Variants in SNX24 observed in about 807,000 individuals in gnomAD.
SNX24 encodes the protein sorting nexin-24.
Under a neutral mutation model 28.7 loss-of-function variants are expected in SNX24, and 22 were observed. The observed-to-expected ratio is 0.77, with a 90% confidence interval of 0.55 to 1.10. SNX24 has a LOEUF of 1.10. Among genes scored for constraint, SNX24 ranks in the 50% least tolerant of loss-of-function variants. SNX24 has a pLI of 0.00. For missense variants in SNX24, 221 were observed against 201.1 expected (o/e 1.10, Z -0.60); for synonymous variants, 69 against 71.5 (o/e 0.96, Z 0.18).
At chr5:122,914,210 A>G (rs1758058414) in intron 1 of SNX24, among the ~76,000 whole-genome samples, 3 of 152,194 alleles carry the variant, frequency 2.0e-5, no homozygotes. Context: ...ATTGATTTGC[A>G]TATATTGAAC....
At chr5:122,895,545 G>A (rs895791899) in intron 1 of SNX24, among the ~76,000 whole-genome samples, 2 of 152,166 alleles carry the variant, frequency 1.3e-5, no homozygotes, top group African/African-American at 4.8e-5. Context: ...TTCTTTTCTG[G>A]TGGAAGGATG....
intron 1 of SNX24, among the ~76,000 whole-genome samples, chr5:122,898,538 G>T (rs555606588): frequency 2.0e-5 from 3 of 152,184 alleles, no homozygotes; most frequent in Non-Finnish European, 2.9e-5. Flanking sequence ...CTGAGTTTGT[G>T]TATAGGCAGA....
intron 1 of SNX24, chr5:122,891,128 AT>A: frequency 2.0e-6 from 3 of 1,485,682 alleles, no homozygotes; most frequent in Admixed American, 2.4e-5. Flanking sequence ...CATATCAGGT[AT>A]TTTTGACTGT....
intron 1 of SNX24, among the ~76,000 whole-genome samples, chr5:122,849,156 C>T (rs1754784633): frequency 6.6e-6 from 1 of 152,188 alleles, no homozygotes. Flanking sequence ...ACAGTTTTTA[C>T]AGATATTGCA....
At chr5:122,997,883 T>G (rs1290760024) in intron 3 of SNX24, among the ~76,000 whole-genome samples, 2 of 152,156 alleles carry the variant, frequency 1.3e-5, no homozygotes, top group African/African-American at 4.8e-5. Context: ...TGTTACAAAT[T>G]AGGCTTTATT....
At chr5:123,020,683 AAAG>A (rs1762748853) in intron 5 of SNX24, among the ~76,000 whole-genome samples, 1 of 152,240 alleles carries the variant, frequency 6.6e-6, no homozygotes, top group Admixed American at 6.5e-5. Flanking sequence ...GCTTGAGAAA[AAAG>A]AAAATGTATT....
chr5:122,955,581 T>C (rs1203080654), intron 3 of SNX24, among the ~76,000 whole-genome samples: 1 of 152,224 alleles, frequency 6.6e-6, no homozygotes, highest in Non-Finnish European at 1.5e-5. Flanking sequence ...ACCTTGTTTT[T>C]CCCAGGTTAA....
At position 122,888,341 on chromosome 5, in the gene SNX24, G is replaced by A. The variant is rs886140946; in HGVS notation, c.60+42648G>A. 4.6e-5 allele frequency among the ~76,000 whole-genome samples: 7 copies of A among 152,172 alleles called. No individual in the cohort carries two copies. In the South Asian group the frequency reaches 1.5e-3, roughly 32 times the overall value. ...GGGAGAGAGTATAGCACAGTTAAGA[G>A]TGAAGGCTCTGAAACCTGACAGCCT... On this transcript the variant is annotated intron_variant, in intron 1 of 6. Coordinates refer to ENST00000261369, the MANE Select transcript of SNX24 (RefSeq NM_014035.4).
downstream of SNX24, among the ~76,000 whole-genome samples, chr5:123,010,946 A>G (rs1019232416): frequency 4.6e-5 from 7 of 151,822 alleles, no homozygotes; most frequent in Admixed American, 3.3e-4. Flanking sequence ...TGGATCTTCT[A>G]TAATTTGTGT....
At chr5:122,987,095 G>A (rs436546) in intron 3 of SNX24, among the ~76,000 whole-genome samples, 33,852 of 152,028 alleles carry the variant, frequency 0.22, 4,818 homozygotes, top group Non-Finnish European at 0.33. Flanking sequence ...TAAAGATGAG[G>A]AGGATCAAGC....
At chr5:122,883,101 T>G (rs1029187043) in intron 1 of SNX24, among the ~76,000 whole-genome samples, 5 of 152,166 alleles carry the variant, frequency 3.3e-5, no homozygotes, top group Non-Finnish European at 7.3e-5. Flanking sequence ...TCAGAATCAT[T>G]TAACTAGCTA....
intron 1 of SNX24, among the ~76,000 whole-genome samples, chr5:122,900,664 G>T (rs983875157): frequency 1.3e-5 from 2 of 152,084 alleles, no homozygotes; most frequent in South Asian, 4.2e-4. Context: ...AGCTGCTTGG[G>T]AGGCTGAGGC....
intron 1 of SNX24, among the ~76,000 whole-genome samples, chr5:122,914,583 T>C (rs1758074371): frequency 6.6e-6 from 1 of 151,042 alleles, no homozygotes; most frequent in African/African-American, 2.4e-5. Context: ...ATCCTGTTAT[T>C]GGTCTATTCA....
intron 1 of SNX24, among the ~76,000 whole-genome samples, chr5:122,929,459 C>T (rs1758852966): frequency 6.6e-6 from 1 of 151,614 alleles, no homozygotes; most frequent in African/African-American, 2.4e-5. Context: ...TTAGAGACAA[C>T]GTTGCCTTAT....
At chr5:122,858,342 G>A (rs1379820138) in intron 1 of SNX24, among the ~76,000 whole-genome samples, 1 of 152,180 alleles carries the variant, frequency 6.6e-6, no homozygotes, top group Admixed American at 6.5e-5. Flanking sequence ...CCGCCGATAG[G>A]CTTGCTCAAT....
chr5:123,014,291 C>T (rs1284287861), intron 5 of SNX24, among the ~76,000 whole-genome samples: 1 of 149,042 alleles, frequency 6.7e-6, no homozygotes. Flanking sequence ...CTCAGCGTAC[C>T]AAGTAGCTGG....
At chr5:122,970,194 G>T (rs1463902716) in intron 3 of SNX24, among the ~76,000 whole-genome samples, 1 of 148,958 alleles carries the variant, frequency 6.7e-6, no homozygotes, top group Non-Finnish European at 1.5e-5. Context: ...TCCTTTTCAT[G>T]ATATCTAGTT....
At chr5:123,022,023 C>G (rs1474426202) in intron 5 of SNX24, among the ~76,000 whole-genome samples, 2 of 152,142 alleles carry the variant, frequency 1.3e-5, no homozygotes, top group African/African-American at 4.8e-5. Context: ...CTCCCGGCCT[C>G]TCTGGCAGAC....
At chr5:122,988,663 C>T (rs1761704195) in intron 3 of SNX24, among the ~76,000 whole-genome samples, 1 of 152,120 alleles carries the variant, frequency 6.6e-6, no homozygotes, top group African/African-American at 2.4e-5. Context: ...ACTCCATTTC[C>T]ATAGGGATAC....
Sources: gnomAD v4.1 joint callset for allele counts (sites outside exome capture counted in the v4.1 genomes callset) on GRCh38, gnomAD v4.1.1 for gene constraint, MANE v1.5 for transcripts, NCBI Gene and HGNC (gene_info 2026-07-23, HGNC 2026-07-21) for gene names.